STAU1: variants seen among roughly 807,000 people sequenced by gnomAD.
The protein encoded by STAU1 is staufen double-stranded RNA binding protein 1.
A neutral mutation model predicts 62.9 loss-of-function variants in STAU1; 13 were observed. That is an observed-to-expected ratio of 0.21 (90% CI 0.13 to 0.33). The LOEUF (loss-of-function observed/expected upper bound fraction) is 0.33. STAU1 is among the 10% of genes least tolerant of loss of function. The pLI, the probability that STAU1 is intolerant of heterozygous loss-of-function variation, is 1.00. For missense variants in STAU1, 571 were observed against 712.1 expected (o/e 0.80, Z 2.25); for synonymous variants, 269 against 265.1 (o/e 1.01, Z -0.14).
At position 49,181,747 on chromosome 20, in the gene STAU1, CA is replaced by C. The variant is rs553739932; in HGVS notation, c.-160+6368del. On this transcript the variant is annotated intron_variant, in intron 1 of 13. Coordinates refer to ENST00000371856, the MANE Select transcript of STAU1 (RefSeq NM_017453.4). Reference sequence around the variant, plus strand: ...TACCTCTGCATTCCAGCCTGGGCAACAGAGCAAGACTATCTCAACAAAAAAA... The same window carrying C: ...TACCTCTGCATTCCAGCCTGGGCAACGAGCAAGACTATCTCAACAAAAAAA... Among the ~76,000 whole-genome samples, 148 of 114,536 alleles carry C rather than the reference CA, an allele frequency of 1.3e-3. 1 individual carries two copies. Among genetic ancestry groups the C allele is most frequent in the African/African-American group, 4.7e-3 (142 of 30,290 alleles). 75.1% of individuals were successfully genotyped at this position (114,536 alleles called of 152,430 possible).
chr20:49,114,657 G>A lies in STAU1; in HGVS notation c.*221C>T, dbSNP rs1183150429. 2.3e-5 allele frequency: 12 copies of A among 513,784 alleles called. No individual in the cohort carries two copies. Among genetic ancestry groups the A allele is most frequent in the African/African-American group, 3.8e-5 (2 of 52,286 alleles). 31.8% of individuals were successfully genotyped at this position (513,784 alleles called of 1,614,324 possible). ...AGGCAGCTGCTATTGCGTAGGGACCGCCAGGTCACCGAGTGGCCATCACAA... is the reference window on the plus strand; with the variant it reads ...AGGCAGCTGCTATTGCGTAGGGACCACCAGGTCACCGAGTGGCCATCACAA... On this transcript the variant is annotated 3_prime_UTR_variant, in exon 14 of 14. Transcript: ENST00000371856.
chr20:49,186,249 G>A (rs1223049657), intron 1 of STAU1, among the ~76,000 whole-genome samples: 1 of 151,874 alleles, frequency 6.6e-6, no homozygotes, highest in African/African-American at 2.4e-5. Flanking sequence ...GGGAGGCTGA[G>A]ACGGGAGAAT....
upstream of STAU1, among the ~76,000 whole-genome samples, chr20:49,191,622 C>A (rs112513025): frequency 2.0e-5 from 3 of 152,152 alleles, no homozygotes; most frequent in Non-Finnish European, 4.4e-5. Flanking sequence ...TCAGGGTCAC[C>A]TGTGGTATGT....
At position 49,151,028 on chromosome 20, in the gene STAU1, T is replaced by G. The variant is rs148641050; in HGVS notation, c.510+554A>C. 6.0e-4 allele frequency among the ~76,000 whole-genome samples: 91 copies of G among 152,234 alleles called. No individual in the cohort carries two copies. The East Asian group carries it at 0.017, about 28-fold the overall frequency. On this transcript the variant is annotated intron_variant, in intron 5 of 13. Coordinates refer to ENST00000371856, the MANE Select transcript of STAU1 (RefSeq NM_017453.4). ...CAGATCCACTTCAACCAAAGCTGTG[T>G]GGAACGAAGACAAGCTACACCCTTG...
chr20:49,133,697 C>T (rs2092804945), intron 6 of STAU1, among the ~76,000 whole-genome samples: 1 of 152,158 alleles, frequency 6.6e-6, no homozygotes, highest in African/African-American at 2.4e-5. Context: ...AGATCCATGT[C>T]GGTGCTCTGG....
intron 5 of STAU1, among the ~76,000 whole-genome samples, chr20:49,144,384 A>G (rs2093078298): frequency 6.6e-6 from 1 of 152,146 alleles, no homozygotes; most frequent in African/African-American, 2.4e-5. Context: ...ATGAGAATAT[A>G]CCACATTTCC....
chr20:49,135,759 G>T, intron 6 of STAU1, 74 bp downstream of exon 6: 3 of 1,079,784 alleles, frequency 2.8e-6, no homozygotes, highest in Non-Finnish European at 4.1e-6. Context: ...TGATATTTAG[G>T]GGAAAAAATA....
In STAU1 at chr20:49,174,212, C is replaced by T. The variant is rs1029828222; in HGVS notation, c.-102G>A. The stretch of plus-strand genomic sequence containing the variant: ...ATATGTACCTTTTTTAAAAAGAGGG[C>T]GTTCCAGGAACAATGTTGTCTTTGT... On this transcript the variant is annotated 5_prime_UTR_variant, in exon 2 of 14. Transcript: ENST00000371856. The T allele has an allele frequency of 3.9e-5, 6 of 152,054 alleles. No homozygotes were observed. The highest frequency in any genetic ancestry group is 1.9e-4 in the East Asian group (1 of 5,188). 9.4% of individuals were successfully genotyped at this position (152,054 alleles called of 1,614,324 possible).
At chr20:49,116,843 T>A (rs1213333300) in intron 12 of STAU1, among the ~76,000 whole-genome samples, 2 of 152,050 alleles carry the variant, frequency 1.3e-5, no homozygotes, top group Non-Finnish European at 2.9e-5. Context: ...GTGAGTGCAG[T>A]CTCTGGGTGA....
the STAU1 span, among the ~76,000 whole-genome samples, chr20:49,211,319 T>C: frequency 6.6e-6 from 1 of 152,104 alleles, no homozygotes; most frequent in Non-Finnish European, 1.5e-5. Flanking sequence ...TGCTTTCACT[T>C]CTTTTGGGTG....
intron 6 of STAU1, among the ~76,000 whole-genome samples, chr20:49,128,476 T>C (rs1026296637): frequency 2.6e-5 from 4 of 152,224 alleles, no homozygotes; most frequent in Non-Finnish European, 5.9e-5. Flanking sequence ...GAACCGGATC[T>C]TCTTGGAGGA....
chr20:49,159,954 T>C (rs1055039424), intron 3 of STAU1, among the ~76,000 whole-genome samples: 1 of 152,238 alleles, frequency 6.6e-6, no homozygotes, highest in African/African-American at 2.4e-5. Context: ...GAGTGGTAAA[T>C]ACTGTTTTTC....
At chr20:49,195,935 A>AC in the STAU1 span, among the ~76,000 whole-genome samples, 5 of 147,074 alleles carry the variant, frequency 3.4e-5, no homozygotes, top group African/African-American at 2.5e-5. Flanking sequence ...GAAAAAAAAA[A>AC]AACAAAGAAA....
At chr20:49,192,395 T>C (rs147954169), upstream of STAU1, among the ~76,000 whole-genome samples, 450 of 146,050 alleles carry the variant, frequency 3.1e-3, 2 homozygotes, top group Non-Finnish European at 4.4e-3. Context: ...TAATGGAAGA[T>C]CCCATTTACA....
At chr20:49,195,097 T>TA in the STAU1 span, among the ~76,000 whole-genome samples, 1 of 151,624 alleles carries the variant, frequency 6.6e-6, no homozygotes, top group East Asian at 1.9e-4. Flanking sequence ...CTCAGGAAAA[T>TA]AAAAAATGTG....
At chr20:49,143,444 C>A (rs2093053686) in intron 5 of STAU1, among the ~76,000 whole-genome samples, 1 of 152,084 alleles carries the variant, frequency 6.6e-6, no homozygotes, top group Admixed American at 6.6e-5. Flanking sequence ...AATACAAAAA[C>A]TAGCCAGGTG....
Position 49,146,611 on chromosome 20 carries a change from AG to A in STAU1, c.510+4970del. Among the ~76,000 whole-genome samples the A allele has an allele frequency of 4.0e-5, 6 of 151,834 alleles. 1 individual carries two copies. In the East Asian group the frequency reaches 1.2e-3, roughly 30 times the overall value. ...CAGCTACTTAGGAGGCTGAGATGGG[AG>A]GATCACCTAAGCCCAGGGAGGTCAA... On this transcript the variant is annotated intron_variant, in intron 5 of 13. Transcript: ENST00000371856.
chr20:49,167,804 T>C (rs1341431299), intron 2 of STAU1, among the ~76,000 whole-genome samples: 4 of 152,170 alleles, frequency 2.6e-5, no homozygotes, highest in African/African-American at 9.7e-5. Flanking sequence ...GTAAACTATC[T>C]TGAGAGCACT....
intron 1 of STAU1, among the ~76,000 whole-genome samples, chr20:49,187,339 A>G (rs1196103407): frequency 6.6e-6 from 1 of 152,192 alleles, no homozygotes; most frequent in Non-Finnish European, 1.5e-5. Flanking sequence ...ACAGTGTCCC[A>G]ATTAAGCGTA....
Sources: allele counts gnomAD v4.1 joint callset (sites outside exome capture counted in the v4.1 genomes callset), GRCh38; gene constraint gnomAD v4.1.1; transcripts MANE v1.5; gene names NCBI Gene and HGNC (gene_info 2026-07-23, HGNC 2026-07-21).